CSMD3: variants seen among roughly 807,000 people sequenced by gnomAD.
CSMD3 encodes the protein CUB and sushi domain-containing protein 3.
In CSMD3, 177 loss-of-function variants were observed where a neutral mutation model predicts 435.2. The observed-to-expected ratio is 0.41, with a 90% CI of 0.36 to 0.46. CSMD3 has a LOEUF of 0.46. CSMD3 is among the 20% of genes least tolerant of loss of function. The pLI, the probability that CSMD3 is intolerant of heterozygous loss-of-function variation, is 0.34. For missense variants in CSMD3, 4,265 were observed against 4,504.6 expected (o/e 0.95, Z 1.52); for synonymous variants, 1,656 against 1,520.5 (o/e 1.09, Z -2.07).
intron 5 of CSMD3, among the ~76,000 whole-genome samples, chr8:113,046,406 G>C (rs141679949): frequency 6.7e-6 from 1 of 149,830 alleles, no homozygotes; most frequent in African/African-American, 2.4e-5. Context: ...CGCCTTATTT[G>C]TGCCCTGAGT....
At chr8:113,164,354 T>C (rs1395867200) in intron 4 of CSMD3, among the ~76,000 whole-genome samples, 1 of 151,008 alleles carries the variant, frequency 6.6e-6, no homozygotes, top group African/African-American at 2.4e-5. Flanking sequence ...TTGAATACTA[T>C]AGTAACTTCA....
intron 27 of CSMD3, among the ~76,000 whole-genome samples, chr8:112,520,211 A>G (rs1385504570): frequency 6.6e-6 from 1 of 152,146 alleles, no homozygotes; most frequent in Non-Finnish European, 1.5e-5. Flanking sequence ...TAATGATAAT[A>G]GCAATAATTA....
chr8:112,269,428 T>C (rs1817256475), intron 59 of CSMD3, among the ~76,000 whole-genome samples: 2 of 152,130 alleles, frequency 1.3e-5, no homozygotes, highest in Admixed American at 1.3e-4. Flanking sequence ...GTTGGTCCTT[T>C]TGGACGCAGA....
chr8:113,292,928 GC>G (rs1464867094), intron 2 of CSMD3, among the ~76,000 whole-genome samples: 1 of 151,716 alleles, frequency 6.6e-6, no homozygotes, highest in East Asian at 1.9e-4. Flanking sequence ...AAAAAATTTT[GC>G]TAAATTTTTG....
intron 33 of CSMD3, 80 bp downstream of exon 33, chr8:112,408,839 A>G (rs1321988412): frequency 1.2e-6 from 2 of 1,608,176 alleles, no homozygotes; most frequent in East Asian, 4.5e-5. Flanking sequence ...TGATGATATA[A>G]ATCTCAACTT....
At chr8:112,707,051 C>T (rs1365931626) in intron 13 of CSMD3, among the ~76,000 whole-genome samples, 1 of 151,914 alleles carries the variant, frequency 6.6e-6, no homozygotes, top group Non-Finnish European at 1.5e-5. Flanking sequence ...AAAGAGTTTG[C>T]AAGCAAGGAT....
chr8:113,044,921 A>G (rs1230500650), intron 5 of CSMD3, among the ~76,000 whole-genome samples: 2 of 149,116 alleles, frequency 1.3e-5, no homozygotes, highest in African/African-American at 4.9e-5. Context: ...ATATATTTTG[A>G]GGACTTGCCC....
chr8:112,286,898 G>A (rs777704393), intron 58 of CSMD3, among the ~76,000 whole-genome samples, 166 bp downstream of exon 58: 1 of 152,062 alleles, frequency 6.6e-6, no homozygotes, highest in Admixed American at 6.6e-5. Flanking sequence ...ATCGGTTATA[G>A]TTATCTTAGG....
At chr8:112,817,487 A>C (rs2079407810) in intron 12 of CSMD3, among the ~76,000 whole-genome samples, 1 of 152,146 alleles carries the variant, frequency 6.6e-6, no homozygotes, top group Admixed American at 6.6e-5. Flanking sequence ...AGATTAAAAT[A>C]TTATTGTTCA....
In CSMD3 at chr8:112,552,703, A is replaced by C. The variant is rs1236983563; in HGVS notation, c.4252T>G (p.Phe1418Val). The change falls in exon 26 of 71, where the codon TTT (phenylalanine) becomes GTT (valine). Residue 1418 changes from phenylalanine (F) to valine (V), a missense_variant. Physicochemically the swap from Phe to Val is conservative, Grantham distance 50 (BLOSUM62 -1). Around this residue, in one of 3 missense-constraint regions of CSMD3, gnomAD observed 3,255 missense variants for 3,380.2 expected, o/e 0.96. Transcript: ENST00000297405. Reference protein sequence around the residue: ...PSCIAECGGRFKGESSGRILS... With the variant: ...PSCIAECGGRVKGESSGRILS... ...ATTCTTCCTGATGATTCTCCTTTAA[A>C]ACGACCTCCACATTCAGCTGATAAA... is the stretch of plus-strand genomic sequence containing the variant. 1 of 1,611,964 alleles carries C rather than the reference A, an allele frequency of 6.2e-7. No homozygotes were observed.
intron 35 of CSMD3, among the ~76,000 whole-genome samples, chr8:112,404,241 A>C (rs1041981253): frequency 6.6e-6 from 1 of 152,210 alleles, no homozygotes; most frequent in African/African-American, 2.4e-5. Context: ...TAAAAATTAC[A>C]TAACCTGGCT....
intron 4 of CSMD3, among the ~76,000 whole-genome samples, chr8:113,109,827 T>G (rs2090585292): frequency 6.6e-6 from 1 of 152,204 alleles, no homozygotes; most frequent in African/African-American, 2.4e-5. Flanking sequence ...AGGGCAGTTT[T>G]CTTTCTGAGT....
rs1286812201 is a variant in CSMD3 at position 113,436,882 on chromosome 8, C to A, written c.-28G>T. ...TATTCGCGAGCTCCTAATTCCTGCT[C>A]CTCAGCCCGGCGCAGTGGAGTTGTT... On this transcript the variant is annotated 5_prime_UTR_variant, in exon 1 of 71. Coordinates refer to ENST00000297405, the MANE Select transcript of CSMD3 (RefSeq NM_198123.2). 1 of 1,612,992 alleles carries A rather than the reference C, an allele frequency of 6.2e-7. No individual in the cohort carries two copies. Among genetic ancestry groups the A allele is most frequent in the South Asian group, 1.1e-5 (1 of 91,030 alleles).
chr8:113,420,908 C>T (rs895468573), intron 1 of CSMD3, among the ~76,000 whole-genome samples: 2 of 151,494 alleles, frequency 1.3e-5, no homozygotes, highest in African/African-American at 4.9e-5. Context: ...GAGATCGCCC[C>T]ATTGCACTCC....
chr8:112,593,951 T>C (rs1278433647), intron 22 of CSMD3, among the ~76,000 whole-genome samples: 2 of 152,176 alleles, frequency 1.3e-5, no homozygotes, highest in Non-Finnish European at 2.9e-5. Flanking sequence ...TTTTGGTTAG[T>C]TTTGAATTAA....
chr8:113,410,930 AAAGAAAGAAAGAAAG>A (rs2094556262), intron 1 of CSMD3, among the ~76,000 whole-genome samples: 1 of 146,024 alleles, frequency 6.8e-6, no homozygotes, highest in Non-Finnish European at 1.5e-5. Context: ...AGAAAGAAAG[AAAGAAAGAAAGAAAG>A]AAAGAAAGAG....
intron 1 of CSMD3, among the ~76,000 whole-genome samples, chr8:113,382,339 C>T (rs2094419671): frequency 1.3e-5 from 2 of 152,000 alleles, no homozygotes; most frequent in South Asian, 4.1e-4. Context: ...TTTTGCTTTA[C>T]CAACATTTAC....
chr8:112,875,290 G>A (rs889923775), intron 10 of CSMD3, among the ~76,000 whole-genome samples: 8 of 152,122 alleles, frequency 5.3e-5, no homozygotes, highest in Admixed American at 1.3e-4. Flanking sequence ...GAGTTCCACC[G>A]TTAGTCTAAT....
At chr8:112,536,817 C>T (rs1013834375) in intron 27 of CSMD3, among the ~76,000 whole-genome samples, 8 of 151,780 alleles carry the variant, frequency 5.3e-5, no homozygotes, top group African/African-American at 1.9e-4. Context: ...GGCACATATA[C>T]ACCATGGAAT....
Sources: gnomAD v4.1 joint callset for allele counts (sites outside exome capture counted in the v4.1 genomes callset) on GRCh38, gnomAD v4.1.1 for gene constraint, gnomAD v4.1.1 regional missense constraint, MANE v1.5 for transcripts, NCBI Gene and HGNC (gene_info 2026-07-23, HGNC 2026-07-21) for gene names.